RIT2: variants seen among roughly 807,000 people sequenced by gnomAD.
RIT2 encodes the protein GTP-binding protein Rit2.
RIT2 carries 24 observed loss-of-function variants against 23.7 expected under a neutral mutation model. The ratio of observed to expected loss-of-function variants is 1.01; its 90% CI spans 0.73 to 1.43. RIT2 has a LOEUF of 1.43. Among genes scored for constraint, RIT2 ranks in the 40% most tolerant of loss-of-function variants. RIT2 has a pLI of 0.00. For missense variants in RIT2, 236 were observed against 266.9 expected (o/e 0.88, Z 0.81); for synonymous variants, 107 against 91.1 (o/e 1.17, Z -0.99).
intron 3 of RIT2, among the ~76,000 whole-genome samples, chr18:42,969,483 T>G (rs1206244434): frequency 1.3e-5 from 2 of 152,126 alleles, no homozygotes; most frequent in African/African-American, 2.4e-5. Context: ...TCTAATTTAT[T>G]CATTTCACAG....
intron 2 of RIT2, among the ~76,000 whole-genome samples, chr18:42,980,896 C>A (rs2144213112): frequency 6.6e-6 from 1 of 152,228 alleles, no homozygotes; most frequent in Non-Finnish European, 1.5e-5. Flanking sequence ...CAAGAGTATG[C>A]AGAAGGAACA....
chr18:43,047,996 C>A (rs1912288900), intron 1 of RIT2, among the ~76,000 whole-genome samples: 1 of 152,096 alleles, frequency 6.6e-6, no homozygotes, highest in South Asian at 2.1e-4. Flanking sequence ...GAAATGGCTG[C>A]AGATGTGGGC....
At chr18:42,850,804 C>A (rs1294495859) in intron 4 of RIT2, among the ~76,000 whole-genome samples, 1 of 152,082 alleles carries the variant, frequency 6.6e-6, no homozygotes, top group Non-Finnish European at 1.5e-5. Flanking sequence ...CCTACTTTGT[C>A]CAAGGTGCTT....
intron 4 of RIT2, among the ~76,000 whole-genome samples, chr18:42,766,639 G>C (rs908521701): frequency 6.6e-6 from 1 of 152,224 alleles, no homozygotes; most frequent in Non-Finnish European, 1.5e-5. Context: ...ATTTGCATAA[G>C]TAGGAAGGAC....
intron 2 of RIT2, among the ~76,000 whole-genome samples, chr18:42,977,953 C>A (rs947080048): frequency 2.0e-5 from 3 of 151,446 alleles, no homozygotes; most frequent in Non-Finnish European, 4.4e-5. Context: ...AAAGAGAAAT[C>A]TTGTGGAATC....
chr18:42,858,722 C>A (rs114717147), intron 4 of RIT2, among the ~76,000 whole-genome samples: 29 of 152,114 alleles, frequency 1.9e-4, no homozygotes, highest in African/African-American at 6.8e-4. Context: ...TTATCTGGTC[C>A]CTGAGGCTGT....
At chr18:42,949,115 C>G (rs1909791124) in intron 3 of RIT2, 5 of 396,954 alleles carry the variant, frequency 1.3e-5, no homozygotes, top group Non-Finnish European at 1.8e-5. Flanking sequence ...ATTAGATGCC[C>G]TGCCACATAG....
chr18:42,968,224 C>A (rs1339780914), intron 3 of RIT2, among the ~76,000 whole-genome samples: 1 of 152,092 alleles, frequency 6.6e-6, no homozygotes, highest in South Asian at 2.1e-4. Context: ...CAGTACAGAG[C>A]CACTGTACTG....
At chr18:42,861,684 G>A (rs1256003342) in intron 4 of RIT2, among the ~76,000 whole-genome samples, 1 of 152,046 alleles carries the variant, frequency 6.6e-6, no homozygotes, top group Non-Finnish European at 1.5e-5. Context: ...TTTTGGGTTG[G>A]GGTCACCCAT....
At chr18:42,864,296 C>T (rs1001731189) in intron 4 of RIT2, among the ~76,000 whole-genome samples, 1 of 152,130 alleles carries the variant, frequency 6.6e-6, no homozygotes, top group African/African-American at 2.4e-5. Flanking sequence ...CATCTTTTTC[C>T]ACATTATGCC....
At chr18:43,046,350 CA>C (rs1598760313) in intron 1 of RIT2, among the ~76,000 whole-genome samples, 1 of 152,202 alleles carries the variant, frequency 6.6e-6, no homozygotes, top group African/African-American at 2.4e-5. Flanking sequence ...TAATTTTCAA[CA>C]TATCACTTGT....
chr18:42,834,738 G>T (rs1007914127), intron 4 of RIT2, among the ~76,000 whole-genome samples: 9 of 152,122 alleles, frequency 5.9e-5, no homozygotes, highest in Non-Finnish European at 1.3e-4. Flanking sequence ...CAAGTATACA[G>T]TGAGGCACTA....
chr18:42,860,750 G>A (rs1244212771), intron 4 of RIT2, among the ~76,000 whole-genome samples: 1 of 152,136 alleles, frequency 6.6e-6, no homozygotes, highest in Non-Finnish European at 1.5e-5. Flanking sequence ...CTTTATGCCA[G>A]CAGACTAGAG....
intron 3 of RIT2, among the ~76,000 whole-genome samples, chr18:42,931,859 T>C (rs1909333835): frequency 6.6e-6 from 1 of 152,138 alleles, no homozygotes; most frequent in South Asian, 2.1e-4. Context: ...ATGACAAAGT[T>C]GCAGTTGCTA....
intron 2 of RIT2, among the ~76,000 whole-genome samples, chr18:43,015,736 G>A (rs1224738732): frequency 3.3e-5 from 5 of 151,646 alleles, no homozygotes; most frequent in African/African-American, 1.2e-4. Flanking sequence ...AATAAGTAAT[G>A]AGCCATAAGC....
intron 1 of RIT2, among the ~76,000 whole-genome samples, chr18:43,114,176 A>T (rs533715988): frequency 6.6e-6 from 1 of 152,054 alleles, no homozygotes; most frequent in East Asian, 1.9e-4. Context: ...GAGATGAATA[A>T]TTTTTTTCAC....
chr18:42,749,274 A>T (rs1912990017), intron 4 of RIT2, among the ~76,000 whole-genome samples: 1 of 151,964 alleles, frequency 6.6e-6, no homozygotes, highest in African/African-American at 2.4e-5. Flanking sequence ...TTGAAACGAA[A>T]TGCTAATAAA....
intron 4 of RIT2, among the ~76,000 whole-genome samples, chr18:42,914,536 A>G (rs918469883): frequency 2.0e-5 from 3 of 152,110 alleles, no homozygotes; most frequent in Non-Finnish European, 4.4e-5. Flanking sequence ...TCTCAAAAGG[A>G]TGCATGTTAA....
At chr18:42,982,628 T>C (rs1910622177) in intron 2 of RIT2, among the ~76,000 whole-genome samples, 1 of 152,116 alleles carries the variant, frequency 6.6e-6, no homozygotes, top group Admixed American at 6.6e-5. Context: ...GGATTTTAGA[T>C]GTTAGGGATT....
Sources: allele counts gnomAD v4.1 joint callset (sites outside exome capture counted in the v4.1 genomes callset), GRCh38; gene constraint gnomAD v4.1.1; transcripts MANE v1.5; gene names NCBI Gene and HGNC (gene_info 2026-07-23, HGNC 2026-07-21).